NCOA3: variants seen among roughly 807,000 people sequenced by gnomAD.
NCOA3 encodes the protein CBP-interacting protein.
A neutral mutation model predicts 158.8 loss-of-function variants in NCOA3; 51 were observed. That is an observed-to-expected ratio of 0.32 (90% confidence interval 0.26 to 0.41). The LOEUF (loss-of-function observed/expected upper bound fraction) is 0.41, where lower values mean the gene tolerates loss of function less well. Among genes scored for constraint, NCOA3 ranks in the 10% least tolerant of loss-of-function variants. The pLI is 1.00. For missense variants in NCOA3, 1,510 were observed against 1,746.6 expected, an observed-to-expected ratio of 0.86 and a Z score of 2.41; for synonymous variants, 537 against 592.4, an observed-to-expected ratio of 0.91 and a Z score of 1.36.
intron 2 of NCOA3, among the ~76,000 whole-genome samples, chr20:47,621,344 T>G (rs2086237407): frequency 6.6e-6 from 1 of 152,172 alleles, no homozygotes; most frequent in Admixed American, 6.5e-5. Flanking sequence ...TCTGTCTTCC[T>G]TCCTGGTAGC....
At chr20:47,643,034 G>A (rs560046525) in intron 17 of NCOA3, among the ~76,000 whole-genome samples, 20 of 152,140 alleles carry the variant, frequency 1.3e-4, no homozygotes, top group Admixed American at 3.9e-4. Context: ...CCTTAGCCTC[G>A]CGAGTAGCTG....
In NCOA3 at chr20:47,635,705, C is replaced by G. The variant is rs773857882; in HGVS notation, c.1496C>G (p.Pro499Arg). 7 of 1,612,050 alleles carry G rather than the reference C, an allele frequency of 4.3e-6. No homozygotes were observed. The highest frequency in any genetic ancestry group is 5.9e-6 in the Non-Finnish European group (7 of 1,178,790). Residue 499 changes from proline to arginine, a missense_variant, in exon 11 of 23, where the codon CCT becomes CGT. This residue lies in a region of NCOA3 where 1,017 missense variants were observed against 1,098.3 expected (regional missense o/e 0.93). Coordinates refer to ENST00000371998, the MANE Select transcript of NCOA3 (RefSeq NM_181659.3). ...SPKIASHQFSPVAGVHSPMAS... is the reference protein window; with the variant it reads ...SPKIASHQFSRVAGVHSPMAS... ...AAGATAGCCTCACATCAGTTTTCTC[C>G]TGTTGCAGGTATTTGTGTTGACATT...
At chr20:47,510,798 G>A (rs570921810) in intron 1 of NCOA3, among the ~76,000 whole-genome samples, 1 of 152,128 alleles carries the variant, frequency 6.6e-6, no homozygotes, top group South Asian at 2.1e-4. Flanking sequence ...TCTTTGGCTG[G>A]TCTTGAACTC....
chr20:47,617,303 TA>T (rs766543429), intron 2 of NCOA3, among the ~76,000 whole-genome samples: 1 of 152,214 alleles, frequency 6.6e-6, no homozygotes, highest in Non-Finnish European at 1.5e-5. Context: ...TGTGCTATAT[TA>T]TTTGCCCTTT....
intron 1 of NCOA3, among the ~76,000 whole-genome samples, chr20:47,519,817 C>T (rs1452371732): frequency 2.6e-5 from 4 of 151,868 alleles, no homozygotes; most frequent in African/African-American, 9.7e-5. Flanking sequence ...AGCTGGAGTG[C>T]AATGGCACAA....
chr20:47,565,269 C>T (rs1035210991), intron 1 of NCOA3, among the ~76,000 whole-genome samples: 4 of 152,190 alleles, frequency 2.6e-5, no homozygotes, highest in Admixed American at 2.0e-4. Context: ...GCATGAGCCA[C>T]GGTGCCTGGC....
At chr20:47,605,795 C>T (rs944293884) in intron 2 of NCOA3, among the ~76,000 whole-genome samples, 23 of 152,166 alleles carry the variant, frequency 1.5e-4, no homozygotes, top group East Asian at 5.8e-4. Flanking sequence ...ATACAAAATT[C>T]GTATTTTATC....
intron 2 of NCOA3, among the ~76,000 whole-genome samples, chr20:47,587,365 T>C (rs766417192): frequency 4.4e-4 from 67 of 152,346 alleles, no homozygotes; most frequent in Admixed American, 9.2e-4. Context: ...TCCTCACTAC[T>C]TCTGGGCTGT....
chr20:47,585,421 A>G (rs191706610), intron 2 of NCOA3, among the ~76,000 whole-genome samples: 6 of 152,274 alleles, frequency 3.9e-5, no homozygotes, highest in Admixed American at 2.0e-4. Context: ...CGAGAAAACA[A>G]TCATGCTTTG....
At chr20:47,605,530 T>TA (rs1455519532) in intron 2 of NCOA3, among the ~76,000 whole-genome samples, 1 of 152,126 alleles carries the variant, frequency 6.6e-6, no homozygotes, top group African/African-American at 2.4e-5. Context: ...CTATTGATAA[T>TA]ACCTTTTTTC....
rs560450943 is a variant in NCOA3 at position 47,518,997 on chromosome 20, G to C, written c.-99+16978G>C. Among the ~76,000 whole-genome samples, 10 of 151,858 alleles carry C rather than the reference G, an allele frequency of 6.6e-5. No homozygotes were observed. The East Asian group carries it at 2.0e-3, about 30-fold the overall frequency. The stretch of plus-strand genomic sequence containing the variant: ...CTAAAAATACAAAAATTAGGTGGGC[G>C]TGGTGACGGGCACCTGTAATCCCAG... On this transcript the variant is annotated intron_variant, in intron 1 of 22. Transcript: ENST00000371998.
At chr20:47,616,374 G>A (rs1440795440) in intron 2 of NCOA3, among the ~76,000 whole-genome samples, 1 of 151,596 alleles carries the variant, frequency 6.6e-6, no homozygotes, top group African/African-American at 2.4e-5. Context: ...TGTACTTTTA[G>A]TAGAGATGGG....
intron 1 of NCOA3, among the ~76,000 whole-genome samples, chr20:47,524,920 A>AT (rs1355183595): frequency 1.3e-5 from 2 of 151,672 alleles, no homozygotes; most frequent in African/African-American, 2.4e-5. Context: ...ATTTTATTTT[A>AT]TTTATTTATT....
chr20:47,544,541 T>C (rs938199584), intron 1 of NCOA3, among the ~76,000 whole-genome samples: 7 of 152,098 alleles, frequency 4.6e-5, no homozygotes, highest in Non-Finnish European at 8.8e-5. Flanking sequence ...GCCTTTATAT[T>C]AAAATCCTTA....
intron 2 of NCOA3, among the ~76,000 whole-genome samples, chr20:47,594,694 A>AAG (rs1568711465): frequency 5.7e-5 from 8 of 139,978 alleles, no homozygotes; most frequent in East Asian, 4.2e-4. Flanking sequence ...AAAAAAAAAA[A>AAG]AGAGAAGATG....
At chr20:47,545,903 T>A (rs898386030) in intron 1 of NCOA3, among the ~76,000 whole-genome samples, 13 of 151,994 alleles carry the variant, frequency 8.6e-5, no homozygotes, top group African/African-American at 2.9e-4. Flanking sequence ...TTTATAGTGA[T>A]GGGGTTTTGC....
intron 18 of NCOA3, 90 bp from the exon 19 acceptor site, chr20:47,648,915 T>C: frequency 1.4e-6 from 1 of 711,230 alleles, no homozygotes; most frequent in Non-Finnish European, 2.5e-6. Context: ...TTGGAGATAT[T>C]ACCTCATTGG....
chr20:47,642,514 TG>T (rs1432027713), intron 17 of NCOA3, 130 bp downstream of exon 17: 4 of 524,860 alleles, frequency 7.6e-6, no homozygotes, highest in Admixed American at 8.1e-5. Context: ...ACTACATTCA[TG>T]GATACCAGCA....
intron 2 of NCOA3, among the ~76,000 whole-genome samples, chr20:47,608,156 C>T (rs1441862791): frequency 6.6e-6 from 1 of 151,878 alleles, no homozygotes; most frequent in Non-Finnish European, 1.5e-5. Flanking sequence ...ACTAAAAATA[C>T]AAAAATTAGC....
Sources: allele counts gnomAD v4.1 joint callset (sites outside exome capture counted in the v4.1 genomes callset), GRCh38; gene constraint gnomAD v4.1.1; regional missense constraint gnomAD v4.1.1; transcripts MANE v1.5; gene names NCBI Gene and HGNC (gene_info 2026-07-23, HGNC 2026-07-21).